ARID1B: variants seen among roughly 807,000 people sequenced by gnomAD.
ARID1B encodes AT-rich interaction domain 1B, also known as AT-rich interactive domain-containing protein 1B.
Under a neutral mutation model 212.3 loss-of-function variants are expected in ARID1B, and 30 were observed. The ratio of observed to expected loss-of-function variants is 0.14; its 90% CI spans 0.11 to 0.19. The LOEUF (loss-of-function observed/expected upper bound fraction) is 0.19, where lower values mean the gene tolerates loss of function less well. ARID1B is among the 10% of genes least tolerant of loss of function. The pLI is 1.00. For missense variants in ARID1B, 2,891 were observed against 3,204.0 expected, an observed-to-expected ratio of 0.90 and a Z score of 2.36; for synonymous variants, 1,402 against 1,301.7, an observed-to-expected ratio of 1.08 and a Z score of -1.66.
intron 2 of ARID1B, among the ~76,000 whole-genome samples, chr6:156,899,837 G>C (rs950791209): frequency 6.6e-6 from 1 of 152,204 alleles, no homozygotes; most frequent in Non-Finnish European, 1.5e-5. Context: ...GTTGCTGGCT[G>C]TGTTGACTGA....
chr6:156,960,305 T>TA (rs1401414031), intron 4 of ARID1B, among the ~76,000 whole-genome samples: 1 of 152,174 alleles, frequency 6.6e-6, no homozygotes, highest in Non-Finnish European at 1.5e-5. Flanking sequence ...GCTGTGTACA[T>TA]ATGTCCTGCA....
intron 2 of ARID1B, among the ~76,000 whole-genome samples, chr6:156,854,093 C>G (rs1784753656): frequency 6.6e-6 from 1 of 152,156 alleles, no homozygotes; most frequent in African/African-American, 2.4e-5. Flanking sequence ...AATGTTTTCA[C>G]TCACTAAAAA....
chr6:156,808,708 T>A (rs1781354661), intron 1 of ARID1B, among the ~76,000 whole-genome samples: 1 of 152,256 alleles, frequency 6.6e-6, no homozygotes, highest in Non-Finnish European at 1.5e-5. Context: ...AAAAACATTA[T>A]CTGTATTGTT....
rs1196535319 is a variant in ARID1B at position 156,778,537 on chromosome 6, C to T, written c.857C>T (p.Pro286Leu). ...GEPAGGRYEHPGLGALGTQQP... is the reference protein window; with the variant it reads ...GEPAGGRYEHLGLGALGTQQP... ...CCGGCGGGCGGCCGCTACGAGCACC[C>T]GGGCTTGGGCGCCCTGGGCACGCAG... The change falls in exon 1 of 20, where the codon CCG becomes CTG. Residue 286 changes from proline to leucine, a missense_variant. Physicochemically the swap from Pro to Leu is moderately conservative, Grantham distance 98 (BLOSUM62 -3). Around this residue, in one of 7 missense-constraint regions of ARID1B, gnomAD observed 1,643 missense variants for 1,544.0 expected, o/e 1.06. Coordinates refer to ENST00000636930, the MANE Select transcript of ARID1B (RefSeq NM_001374828.1). 1.6e-6 allele frequency: 2 copies of T among 1,222,020 alleles called. No individual in the cohort carries two copies. The highest frequency in any genetic ancestry group is 2.0e-6 in the Non-Finnish European group (2 of 985,328). 75.7% of individuals were successfully genotyped at this position (1,222,020 alleles called of 1,614,324 possible). A position where few individuals can be genotyped will look rare whatever the true frequency, so the allele number is the denominator to read the frequency against.
intron 13 of ARID1B, among the ~76,000 whole-genome samples, 191 bp from the exon 14 acceptor site, chr6:157,189,451 T>C (rs1293199391): frequency 6.6e-6 from 1 of 152,264 alleles, no homozygotes; most frequent in East Asian, 1.9e-4. Flanking sequence ...TCTTTACTAA[T>C]TTTTACTGTA....
chr6:156,805,926 C>T (rs1314483398), intron 1 of ARID1B, among the ~76,000 whole-genome samples: 2 of 152,152 alleles, frequency 1.3e-5, no homozygotes, highest in African/African-American at 4.8e-5. Flanking sequence ...ATCCTCCTGC[C>T]TTGGCCTCCT....
At chr6:157,178,142 CTG>C (rs2128311297) in intron 11 of ARID1B, among the ~76,000 whole-genome samples, 1 of 152,296 alleles carries the variant, frequency 6.6e-6, no homozygotes, top group South Asian at 2.1e-4. Context: ...TCTTACTAGA[CTG>C]TGCCCACGTT....
rs9397998 is a variant in ARID1B at position 157,167,206 on chromosome 6, C to T, written c.3235+21C>T. On this transcript the variant is annotated intron_variant, in intron 9 of 19. Transcript: ENST00000636930. Reference sequence around the variant, plus strand: ...GGCAGGTAACCTTGGCAGCTCTGCGCTCCTGAGCCCCTCTCTCTCCCCTCT... The same window carrying T: ...GGCAGGTAACCTTGGCAGCTCTGCGTTCCTGAGCCCCTCTCTCTCCCCTCT... The T allele has an allele frequency of 0.017, 26,468 of 1,598,146 alleles. 309 individuals are homozygous for T. The highest frequency in any genetic ancestry group is 0.032 in the East Asian group (1,443 of 44,520).
chr6:157,058,678 G>C (rs895763732), intron 4 of ARID1B, among the ~76,000 whole-genome samples: 1 of 152,202 alleles, frequency 6.6e-6, no homozygotes, highest in Non-Finnish European at 1.5e-5. Context: ...TCCGCGGGAG[G>C]CAGCTTGAGG....
intron 2 of ARID1B, among the ~76,000 whole-genome samples, chr6:156,838,576 G>A (rs1487469700): frequency 6.6e-6 from 1 of 152,110 alleles, no homozygotes; most frequent in East Asian, 1.9e-4. Flanking sequence ...GGAATGGGAG[G>A]ATGGGGGAGG....
At chr6:157,198,744 A>T (rs1044677975) in intron 16 of ARID1B, 67 bp from the exon 17 acceptor site, 2 of 1,358,054 alleles carry the variant, frequency 1.5e-6, no homozygotes, top group African/African-American at 2.9e-5. Flanking sequence ...CCAGAAATGG[A>T]TTGTTTATTT....
intron 3 of ARID1B, among the ~76,000 whole-genome samples, chr6:156,913,869 C>T (rs532210359): frequency 6.6e-6 from 1 of 150,552 alleles, no homozygotes; most frequent in South Asian, 2.1e-4. Context: ...CCATGAGCCA[C>T]CATCCCACTC....
At chr6:156,886,282 T>C (rs2128178300) in intron 2 of ARID1B, among the ~76,000 whole-genome samples, 1 of 152,340 alleles carries the variant, frequency 6.6e-6, no homozygotes, top group Non-Finnish European at 1.5e-5. Context: ...AACCTCCGCC[T>C]CCTGGGTTTA....
intron 11 of ARID1B, among the ~76,000 whole-genome samples, chr6:157,176,302 C>T (rs1316106982): frequency 1.3e-5 from 2 of 152,178 alleles, no homozygotes; most frequent in African/African-American, 4.8e-5. Flanking sequence ...CAGGAAGGGG[C>T]GCAACTCCTG....
intron 11 of ARID1B, among the ~76,000 whole-genome samples, chr6:157,180,637 T>G (rs1368433372): frequency 6.6e-6 from 1 of 152,190 alleles, no homozygotes; most frequent in African/African-American, 2.4e-5. Context: ...AACCCTTTTA[T>G]TTTTAAAAAT....
intron 11 of ARID1B, among the ~76,000 whole-genome samples, chr6:157,179,677 A>G (rs942009869): frequency 3.3e-5 from 5 of 152,214 alleles, no homozygotes; most frequent in African/African-American, 1.2e-4. Context: ...TGCCTCAGTA[A>G]TTCTGAAGCT....
chr6:157,174,749 A>C (rs9384531), intron 10 of ARID1B, 98 bp from the exon 11 acceptor site: 1 of 438,844 alleles, frequency 2.3e-6, no homozygotes, highest in Non-Finnish European at 3.5e-6. Context: ...TAATATATAT[A>C]AAAAAATTAG....
At chr6:157,078,037 A>T (rs1242059715) in intron 4 of ARID1B, among the ~76,000 whole-genome samples, 1 of 152,198 alleles carries the variant, frequency 6.6e-6, no homozygotes, top group African/African-American at 2.4e-5. Flanking sequence ...TACGCACACG[A>T]GTCTTTTTCG....
chr6:157,136,434 G>A (rs1036352741), intron 7 of ARID1B, among the ~76,000 whole-genome samples: 1 of 152,100 alleles, frequency 6.6e-6, no homozygotes, highest in East Asian at 1.9e-4. Flanking sequence ...GGTCATTGGC[G>A]GTGTTGCTTC....
Sources: allele counts gnomAD v4.1 joint callset (sites outside exome capture counted in the v4.1 genomes callset), GRCh38; gene constraint gnomAD v4.1.1; regional missense constraint gnomAD v4.1.1; transcripts MANE v1.5; gene names NCBI Gene and HGNC (gene_info 2026-07-23, HGNC 2026-07-21).